IL1RAPL2: variants seen among roughly 807,000 people sequenced by gnomAD.
IL1RAPL2 encodes the protein interleukin 1 receptor accessory protein like 2, also known as X-linked interleukin-1 receptor accessory protein-like 2.
Under a neutral mutation model 44.1 loss-of-function variants are expected in IL1RAPL2, and 3 were observed. That is an observed-to-expected ratio of 0.07 (90% CI 0.03 to 0.18). The LOEUF (loss-of-function observed/expected upper bound fraction) is 0.18. Among genes scored for constraint, IL1RAPL2 ranks in the 10% least tolerant of loss-of-function variants. The probability of loss-of-function intolerance (pLI) is 1.00; values close to 1 mark genes in which losing one functional copy is unlikely to be tolerated. For missense variants in IL1RAPL2, 391 were observed against 496.4 expected, an observed-to-expected ratio of 0.79 and a Z score of 2.02; for synonymous variants, 181 against 178.8, an observed-to-expected ratio of 1.01 and a Z score of -0.10.
intron 6 of IL1RAPL2, among the ~76,000 whole-genome samples, chrX:105,570,136 A>G (rs1044788398): frequency 4.5e-5 from 5 of 111,037 alleles, no homozygotes; most frequent in African/African-American, 1.6e-4. Flanking sequence ...CCTTCCCCTG[A>G]GTCCCCAAAG....
At chrX:104,607,669 A>G (rs1984383466) in intron 1 of IL1RAPL2, among the ~76,000 whole-genome samples, 1 of 112,365 alleles carries the variant, frequency 8.9e-6, no homozygotes, top group Non-Finnish European at 1.9e-5. Flanking sequence ...AATGCAAATC[A>G]AAACCACAGT....
chrX:104,987,416 GT>G (rs1395446385), intron 2 of IL1RAPL2, among the ~76,000 whole-genome samples: 4 of 87,571 alleles, frequency 4.6e-5, no homozygotes, highest in African/African-American at 1.8e-4. Flanking sequence ...TAGTTTATAA[GT>G]TGTGTATAAT....
chrX:105,743,110 A>T lies in IL1RAPL2; in HGVS notation c.1048+2419A>T, dbSNP rs180848473. Among the ~76,000 whole-genome samples, 498 of 111,653 alleles carry T rather than the reference A, an allele frequency of 4.5e-3. 4 individuals carry two copies. Among genetic ancestry groups the T allele is most frequent in the South Asian group, 0.022 (59 of 2,656 alleles). On this transcript the variant is annotated intron_variant, in intron 8 of 10. Transcript: ENST00000372582. ...AGCACCAATTACCTGGATCATGGTAACAGCCTAACTGGTCTCCCTGCTTCC... is the reference window on the plus strand; with the variant it reads ...AGCACCAATTACCTGGATCATGGTATCAGCCTAACTGGTCTCCCTGCTTCC...
intron 2 of IL1RAPL2, among the ~76,000 whole-genome samples, chrX:104,836,430 A>G (rs1921743428): frequency 9.0e-6 from 1 of 111,140 alleles, no homozygotes; most frequent in Non-Finnish European, 1.9e-5. Context: ...GATTGTTTGA[A>G]ACACAAAGGA....
intron 5 of IL1RAPL2, among the ~76,000 whole-genome samples, chrX:105,366,602 G>T (rs1244700198): frequency 9.0e-6 from 1 of 110,725 alleles, no homozygotes; most frequent in Non-Finnish European, 1.9e-5. Context: ...CAACCCATTG[G>T]TTGTTCAGAA....
chrX:104,621,497 C>A (rs1393155838), intron 1 of IL1RAPL2, among the ~76,000 whole-genome samples: 2 of 107,768 alleles, frequency 1.9e-5, no homozygotes, highest in Non-Finnish European at 3.8e-5. Context: ...GCCGTACCCC[C>A]AGGGTGCTCT....
chrX:105,595,225 G>A lies in IL1RAPL2; in HGVS notation c.772+110838G>A, dbSNP rs147526825. ...TCCCCTACAACTATTTTAATTTCCC[G>A]TTATCTTCAAAGTTTTGTAGGATGT... On this transcript the variant is annotated intron_variant, in intron 6 of 10. Transcript: ENST00000372582. Among the ~76,000 whole-genome samples the A allele has an allele frequency of 2.8e-3, 308 of 111,234 alleles. No homozygotes were observed. In the South Asian group the frequency reaches 0.031, roughly 11 times the overall value.
intron 5 of IL1RAPL2, among the ~76,000 whole-genome samples, chrX:105,367,534 A>G (rs761440856): frequency 7.6e-4 from 85 of 111,570 alleles, no homozygotes; most frequent in Non-Finnish European, 1.3e-3. Context: ...CATTATGGCT[A>G]ACATGGGGCT....
chrX:104,756,601 GA>G (rs921640613), intron 2 of IL1RAPL2, among the ~76,000 whole-genome samples: 4 of 110,004 alleles, frequency 3.6e-5, no homozygotes, highest in African/African-American at 1.3e-4. Flanking sequence ...TAAAAGCTTG[GA>G]AAAAAAATTC....
At chrX:104,617,398 C>A (rs1266032734) in intron 1 of IL1RAPL2, among the ~76,000 whole-genome samples, 1 of 111,940 alleles carries the variant, frequency 8.9e-6, no homozygotes, top group East Asian at 2.8e-4. Context: ...TTTCTTCTAT[C>A]TGGATGTCTA....
At chrX:104,952,201 T>C (rs151314204) in intron 2 of IL1RAPL2, among the ~76,000 whole-genome samples, 2,096 of 112,310 alleles carry the variant, frequency 0.019, 49 homozygotes, top group African/African-American at 0.063. Flanking sequence ...AAATTCATTA[T>C]ACCATTAACA....
chrX:105,323,016 GT>G (rs2034907704), intron 5 of IL1RAPL2, among the ~76,000 whole-genome samples: 1 of 111,926 alleles, frequency 8.9e-6, no homozygotes, highest in African/African-American at 3.2e-5. Context: ...CCGGGAGCCA[GT>G]TGGCAGCATT....
rs753078963 is a variant in IL1RAPL2, at chrX:105,031,198, A to G, written c.83-164277A>G. Among the ~76,000 whole-genome samples, 12 of 109,735 alleles carry G rather than the reference A, an allele frequency of 1.1e-4. No homozygotes were observed. The South Asian group carries it at 4.8e-3, about 44-fold the overall frequency. On this transcript the variant is annotated intron_variant, in intron 2 of 10. Coordinates refer to ENST00000372582, the MANE Select transcript of IL1RAPL2 (RefSeq NM_017416.2). ...ATCATGACATCTGCAAACAGGGACA[A>G]TTTGACTTCCTCTTTTCCTAATTGA...
At chrX:104,735,565 C>A (rs1931997513) in intron 2 of IL1RAPL2, among the ~76,000 whole-genome samples, 1 of 111,491 alleles carries the variant, frequency 9.0e-6, no homozygotes, top group Non-Finnish European at 1.9e-5. Flanking sequence ...GTGTTGTCTA[C>A]TTCTTTAATG....
intron 5 of IL1RAPL2, among the ~76,000 whole-genome samples, chrX:105,332,800 A>G (rs2022264): frequency 0.041 from 4,608 of 111,499 alleles, 253 homozygotes; most frequent in African/African-American, 0.14. Context: ...ATACCTAGGA[A>G]TTAACCAAAT....
At chrX:104,704,053 A>T (rs958875439) in intron 2 of IL1RAPL2, among the ~76,000 whole-genome samples, 1 of 111,912 alleles carries the variant, frequency 8.9e-6, no homozygotes, top group Admixed American at 9.5e-5. Flanking sequence ...GAAGAGGTAG[A>T]CTACTCCTAA....
rs1363255108 is a variant in IL1RAPL2 at position 104,952,810 on chromosome X, G to A, written c.83-242665G>A. On this transcript the variant is annotated intron_variant, in intron 2 of 10. Coordinates refer to ENST00000372582, the MANE Select transcript of IL1RAPL2 (RefSeq NM_017416.2). ...TCCAATTAATTTAGCATTTTATTCA[G>A]AAAGAGCTGTCAACTAGCAATATAT... is the stretch of plus-strand genomic sequence containing the variant. Among the ~76,000 whole-genome samples the A allele has an allele frequency of 4.5e-5, 5 of 112,256 alleles. No homozygotes were observed. In the Admixed American group the frequency reaches 4.7e-4, roughly 11 times the overall value.
At chrX:104,697,905 C>G (rs1214669608) in intron 2 of IL1RAPL2, among the ~76,000 whole-genome samples, 1 of 112,674 alleles carries the variant, frequency 8.9e-6, no homozygotes, top group Non-Finnish European at 1.9e-5. Context: ...GACACCTGGT[C>G]ATGGTTTAAC....
intron 2 of IL1RAPL2, among the ~76,000 whole-genome samples, chrX:105,042,474 A>G (rs1489384743): frequency 9.1e-6 from 1 of 109,306 alleles, no homozygotes; most frequent in Non-Finnish European, 1.9e-5. Context: ...GACACATGAA[A>G]AAATGCTCAT....
Sources: allele counts gnomAD v4.1 joint callset (sites outside exome capture counted in the v4.1 genomes callset), GRCh38; gene constraint gnomAD v4.1.1; transcripts MANE v1.5; gene names NCBI Gene and HGNC (gene_info 2026-07-23, HGNC 2026-07-21).